The following ROBO1 variants were observed in gnomAD, a reference collection of about 807,000 sequenced individuals.
ROBO1 encodes the protein roundabout guidance receptor 1.
Under a neutral mutation model 195.9 loss-of-function variants are expected in ROBO1, and 149 were observed. The observed-to-expected ratio is 0.76, with a 90% CI of 0.67 to 0.87. ROBO1 has a LOEUF of 0.87. ROBO1 is among the 40% of genes least tolerant of loss of function. The pLI, the probability that ROBO1 is intolerant of heterozygous loss-of-function variation, is 0.00. For missense variants in ROBO1, 1,933 were observed against 2,068.3 expected, an observed-to-expected ratio of 0.93 and a Z score of 1.27; for synonymous variants, 816 against 733.2, an observed-to-expected ratio of 1.11 and a Z score of -1.82.
At chr3:79,441,958 A>G (rs998599038) in intron 2 of ROBO1, among the ~76,000 whole-genome samples, 1 of 152,112 alleles carries the variant, frequency 6.6e-6, no homozygotes, top group Non-Finnish European at 1.5e-5. Context: ...GATTTAAACA[A>G]GTAAGTTATA....
At chr3:78,978,994 C>T (rs1474888997) in intron 3 of ROBO1, among the ~76,000 whole-genome samples, 3 of 152,166 alleles carry the variant, frequency 2.0e-5, no homozygotes, top group African/African-American at 7.2e-5. Context: ...GAACATCAGG[C>T]TCTTATTCAT....
chr3:79,030,553 G>A (rs992054816), intron 3 of ROBO1, among the ~76,000 whole-genome samples: 1 of 152,112 alleles, frequency 6.6e-6, no homozygotes, highest in Non-Finnish European at 1.5e-5. Context: ...AAGCAATGCT[G>A]TACCTACTAT....
chr3:79,521,283 TA>T (rs1256824233), intron 2 of ROBO1, among the ~76,000 whole-genome samples: 24 of 152,324 alleles, frequency 1.6e-4, no homozygotes, highest in African/African-American at 5.3e-4. Context: ...AATGTCTGAC[TA>T]TTTATCAAGA....
At chr3:79,006,702 T>G (rs1395804872) in intron 3 of ROBO1, among the ~76,000 whole-genome samples, 1 of 150,266 alleles carries the variant, frequency 6.7e-6, no homozygotes, top group Non-Finnish European at 1.5e-5. Flanking sequence ...AAGCACTTCC[T>G]TTCTTATACA....
At chr3:79,689,208 T>TAA (rs1947228635) in intron 1 of ROBO1, among the ~76,000 whole-genome samples, 1 of 152,006 alleles carries the variant, frequency 6.6e-6, no homozygotes, top group African/African-American at 2.4e-5. Context: ...AAAGTACATG[T>TAA]AATTAACTAC....
At chr3:79,366,607 A>G (rs1347139112) in intron 2 of ROBO1, among the ~76,000 whole-genome samples, 1 of 152,100 alleles carries the variant, frequency 6.6e-6, no homozygotes, top group African/African-American at 2.4e-5. Context: ...TCTTGGACGC[A>G]ACTCCAAATA....
At chr3:79,017,091 T>C (rs2077960734) in intron 3 of ROBO1, among the ~76,000 whole-genome samples, 1 of 152,204 alleles carries the variant, frequency 6.6e-6, no homozygotes, top group Non-Finnish European at 1.5e-5. Flanking sequence ...AGGTTGAAAC[T>C]TCACTTTCTG....
intron 3 of ROBO1, among the ~76,000 whole-genome samples, chr3:79,120,335 T>C (rs1276255923): frequency 1.3e-5 from 2 of 151,902 alleles, no homozygotes; most frequent in African/African-American, 4.8e-5. Flanking sequence ...ATTAAGAAAA[T>C]TTTCCATAGC....
At position 79,005,288 on chromosome 3, in the gene ROBO1, A is replaced by G. The variant is rs1194627927; in HGVS notation, c.173-66361T>C. ...CCTTCTTCATGCCTGTGAGCGTCTC[A>G]TATGATTCCTGAGCTGTAGCTCTAG... On this transcript the variant is annotated intron_variant, in intron 3 of 30. Coordinates refer to ENST00000464233, the MANE Select transcript of ROBO1 (RefSeq NM_002941.4). 2.0e-5 allele frequency among the ~76,000 whole-genome samples: 3 copies of G among 152,152 alleles called. 1 individual carries two copies. Among genetic ancestry groups the G allele is most frequent in the South Asian group, 4.1e-4 (2 of 4,834 alleles).
chr3:78,689,347 T>C (rs780282824), intron 8 of ROBO1, among the ~76,000 whole-genome samples: 44 of 152,300 alleles, frequency 2.9e-4, no homozygotes, highest in South Asian at 2.1e-4. Flanking sequence ...GAGGGAAAAT[T>C]TGAAACATCT....
intron 2 of ROBO1, among the ~76,000 whole-genome samples, chr3:79,224,679 T>A (rs1471478263): frequency 6.6e-6 from 1 of 152,216 alleles, no homozygotes; most frequent in Non-Finnish European, 1.5e-5. Context: ...TAACTTCTTT[T>A]TTGGAATTAT....
At chr3:78,934,814 A>T (rs1254889224) in intron 4 of ROBO1, among the ~76,000 whole-genome samples, 1 of 151,856 alleles carries the variant, frequency 6.6e-6, no homozygotes, top group Non-Finnish European at 1.5e-5. Context: ...CACACCAATC[A>T]ATCAAACAAT....
At chr3:79,540,014 C>G (rs558969031) in intron 2 of ROBO1, among the ~76,000 whole-genome samples, 7 of 151,886 alleles carry the variant, frequency 4.6e-5, no homozygotes, top group Non-Finnish European at 1.0e-4. Flanking sequence ...TTTCATAATT[C>G]CTTGGAGGTT....
chr3:79,117,347 G>A (rs191029818), intron 3 of ROBO1, among the ~76,000 whole-genome samples: 6 of 151,994 alleles, frequency 3.9e-5, no homozygotes, highest in Admixed American at 2.6e-4. Flanking sequence ...TCCAGCCTGG[G>A]CGACAGAGAG....
At chr3:79,155,067 A>T (rs1359436517) in intron 2 of ROBO1, among the ~76,000 whole-genome samples, 7 of 151,692 alleles carry the variant, frequency 4.6e-5, no homozygotes, top group African/African-American at 1.7e-4. Context: ...GGACACATTG[A>T]CTCCTATTGC....
intron 29 of ROBO1, among the ~76,000 whole-genome samples, chr3:78,605,995 G>A (rs1446034025): frequency 6.6e-6 from 1 of 152,160 alleles, no homozygotes; most frequent in Non-Finnish European, 1.5e-5. Context: ...GAGTGTTACT[G>A]TAATGTTTCT....
intron 19 of ROBO1, among the ~76,000 whole-genome samples, chr3:78,648,525 C>A (rs1190572179): frequency 6.6e-6 from 1 of 151,946 alleles, no homozygotes; most frequent in Non-Finnish European, 1.5e-5. Flanking sequence ...CCGCAGACCT[C>A]AAAAGTAGCA....
In ROBO1 at chr3:79,239,419, C is replaced by T. The variant is rs548472805; in HGVS notation, c.89-113880G>A. On this transcript the variant is annotated intron_variant, in intron 2 of 30. Coordinates refer to ENST00000464233, the MANE Select transcript of ROBO1 (RefSeq NM_002941.4). ...TCTTGTACTATTTCTTCACTGAGTG[C>T]TTTTGTGATGACATGTTGAAGACTT... Among the ~76,000 whole-genome samples, 37 of 152,328 alleles carry T rather than the reference C, an allele frequency of 2.4e-4. No homozygotes were observed. The South Asian group carries it at 7.5e-3, about 31-fold the overall frequency.
intron 3 of ROBO1, among the ~76,000 whole-genome samples, chr3:78,948,673 G>A (rs1455417917): frequency 2.0e-5 from 3 of 152,110 alleles, no homozygotes; most frequent in African/African-American, 7.2e-5. Context: ...AGGGCAATCA[G>A]GCAGGAGAAG....
Sources: gnomAD v4.1 joint callset for allele counts (sites outside exome capture counted in the v4.1 genomes callset) on GRCh38, gnomAD v4.1.1 for gene constraint, MANE v1.5 for transcripts, NCBI Gene and HGNC (gene_info 2026-07-23, HGNC 2026-07-21) for gene names.